Variants in CD163 observed in about 807,000 individuals in gnomAD.
CD163 encodes the protein CD163 molecule.
CD163 carries 64 observed loss-of-function variants against 129.2 expected under a neutral mutation model. That is an observed-to-expected ratio of 0.50 (90% CI 0.41 to 0.61). The LOEUF (loss-of-function observed/expected upper bound fraction) is 0.61. Among genes scored for constraint, CD163 ranks in the 20% least tolerant of loss-of-function variants. The probability of loss-of-function intolerance (pLI) is 0.00; values close to 1 mark genes in which losing one functional copy is unlikely to be tolerated. For missense variants in CD163, 1,061 were observed against 1,377.9 expected (o/e 0.77, Z 3.64); for synonymous variants, 446 against 478.5 (o/e 0.93, Z 0.89).
chr12:7,496,065 G>C lies in CD163; in HGVS notation c.1100-664C>G, dbSNP rs1343301541. Among the ~76,000 whole-genome samples, 1 of 152,076 alleles carries C rather than the reference G, an allele frequency of 6.6e-6. No homozygotes were observed. Among genetic ancestry groups the C allele is most frequent in the Non-Finnish European group, 1.5e-5 (1 of 68,024 alleles). The stretch of plus-strand genomic sequence containing the variant: ...GCACTATCTACAATAACAAAGACTT[G>C]GAACCAACCCAAATGCCCATCAATA... On this transcript the variant is annotated intron_variant, in intron 5 of 16. Transcript: ENST00000432237. This position sits in a 1 kb window ranked among gnomAD's most constrained non-coding sequence, Gnocchi z 4.8.
chr12:7,485,358 C>T lies in CD163; in HGVS notation c.2517G>A (p.Leu839=), dbSNP rs1344700428. The T allele has an allele frequency of 6.2e-7, 1 of 1,614,094 alleles. No homozygotes were observed. The highest frequency in any genetic ancestry group is 8.5e-7 in the Non-Finnish European group (1 of 1,180,042). Residue 839 remains leucine, a synonymous_variant, in exon 11 of 17, where the codon CTG becomes CTA. Coordinates refer to ENST00000432237, the MANE Select transcript of CD163 (RefSeq NM_203416.4). This position sits in a 1 kb window ranked among gnomAD's most constrained non-coding sequence, Gnocchi z 4.5. ...EASREACAGR[L]EVFYNGAWGT... Reference sequence around the variant, plus strand: ...CCCAAGCTCCATTGTAAAAAACTTCCAGACGCCCTGCACAGGCCTCTCTGC... The same window carrying T: ...CCCAAGCTCCATTGTAAAAAACTTCTAGACGCCCTGCACAGGCCTCTCTGC...
chr12:7,480,169 G>C, intron 15 of CD163: 4 of 549,418 alleles, frequency 7.3e-6, no homozygotes, highest in South Asian at 7.2e-5. Flanking sequence ...CACAGTAACA[G>C]TACATGTTCC....
At chr12:7,492,055 CATT>C (rs1949333317) in intron 6 of CD163, among the ~76,000 whole-genome samples, 2 of 152,052 alleles carry the variant, frequency 1.3e-5, no homozygotes, top group South Asian at 4.2e-4. Context: ...AGCATATCAT[CATT>C]GACAGAGACA....
In CD163 at chr12:7,487,356, T is replaced by C; in HGVS notation, c.2050+3A>G. 6.4e-7 allele frequency: 1 copy of C among 1,574,734 alleles called. No homozygotes were observed. Among genetic ancestry groups the C allele is most frequent in the Non-Finnish European group, 8.6e-7 (1 of 1,161,474 alleles). ...CATCACTGGCTGCCCGTCATCCTCT[T>C]ACCTGAGCAGATTACAGAGGCCACT... is the stretch of plus-strand genomic sequence containing the variant. On this transcript the variant is annotated splice_donor_region_variant and intron_variant, in intron 8 of 16. Transcript: ENST00000432237. This position sits in a 1 kb window ranked among gnomAD's most constrained non-coding sequence, Gnocchi z 5.1.
intron 3 of CD163, 22 bp from the exon 4 acceptor site, chr12:7,499,210 A>C (rs765701723): frequency 2.2e-5 from 34 of 1,572,466 alleles, no homozygotes; most frequent in Non-Finnish European, 2.8e-5. Context: ...AAAAGACCAG[A>C]GTTCAGAAGT....
Position 7,483,460 on chromosome 12 carries a change from T to A in CD163, c.2995A>T (p.Lys999Ter). The A allele has an allele frequency of 6.2e-7, 1 of 1,614,144 alleles. No homozygotes were observed. Among genetic ancestry groups the A allele is most frequent in the Non-Finnish European group, 8.5e-7 (1 of 1,180,006 alleles). The change falls in exon 12 of 17, where the codon AAA becomes TAA. Residue 999 changes from lysine (K) to a stop codon, truncating the protein, a stop_gained. Transcript: ENST00000432237. LOFTEE classifies it high-confidence loss of function. ...GPIWLNEVKC[K>*]GNESSLWDCP... ...TCCCACAAGGAAGACTCATTCCCTT[T>A]GCACTTCACTTCATTGAGCCATATC... is the stretch of plus-strand genomic sequence containing the variant.
At chr12:7,490,151 A>G (rs1949308630) in intron 6 of CD163, among the ~76,000 whole-genome samples, 1 of 152,012 alleles carries the variant, frequency 6.6e-6, no homozygotes, top group Non-Finnish European at 1.5e-5. Context: ...CAAATAAAGG[A>G]GTCATTCACT....
At chr12:7,483,924 T>C (rs11613104) in intron 11 of CD163, among the ~76,000 whole-genome samples, 9,993 of 146,334 alleles carry the variant, frequency 0.068, 429 homozygotes, top group African/African-American at 0.12. Context: ...CACTGCAAGC[T>C]CCGCCTCCCA....
chr12:7,488,557 G>A (rs758632561), intron 6 of CD163, among the ~76,000 whole-genome samples: 4 of 152,084 alleles, frequency 2.6e-5, no homozygotes, highest in South Asian at 2.1e-4. Flanking sequence ...TCCTTTTGAC[G>A]TCTGTTACGT....
chr12:7,483,760 TAA>T (rs35675142), intron 11 of CD163, 85 bp from the exon 12 acceptor site: 1,195 of 403,514 alleles, frequency 3.0e-3, no homozygotes, highest in Middle Eastern at 3.3e-3. Flanking sequence ...ATTTGAAACT[TAA>T]AAAAAAAAAA....
intron 6 of CD163, 123 bp downstream of exon 6, chr12:7,494,958 G>C (rs1460757596): frequency 1.4e-6 from 1 of 738,608 alleles, no homozygotes. Context: ...AGTGGAATTT[G>C]TGTAGATATT....
intron 11 of CD163, 136 bp from the exon 12 acceptor site, chr12:7,483,811 T>TTATATATATATGTATATA (rs1555076495): frequency 9.3e-5 from 12 of 128,880 alleles, no homozygotes; most frequent in African/African-American, 3.9e-4. Context: ...ATATTAAAAT[T>TTATATATATATGTATATA]TATATATATA....
At chr12:7,488,478 C>T (rs1036048021) in intron 6 of CD163, among the ~76,000 whole-genome samples, 5 of 152,132 alleles carry the variant, frequency 3.3e-5, no homozygotes, top group Admixed American at 3.3e-4. Context: ...GTCTGCTCAA[C>T]CTTTTTGAAT....
rs1377085671 is a variant in CD163, at chr12:7,501,789, C to T, written c.134-327G>A. The stretch of plus-strand genomic sequence containing the variant: ...TCGAGTTAAATAAGATGCTACAAAA[C>T]GTTATGGGGATGAACTTTTTACATT... On this transcript the variant is annotated intron_variant, in intron 2 of 16. Coordinates refer to ENST00000432237, the MANE Select transcript of CD163 (RefSeq NM_203416.4). Among the ~76,000 whole-genome samples the T allele has an allele frequency of 3.5e-4, 53 of 152,022 alleles. 1 individual carries two copies. Among genetic ancestry groups the T allele is most frequent in the Admixed American group, 3.4e-3 (52 of 15,270 alleles).
intron 6 of CD163, among the ~76,000 whole-genome samples, chr12:7,492,627 C>T (rs146676117): frequency 2.1e-3 from 319 of 152,144 alleles, no homozygotes; most frequent in African/African-American, 7.3e-3. Flanking sequence ...ATTCTCCTTG[C>T]CACTTTTAGC....
intron 15 of CD163, chr12:7,480,766 C>T: frequency 1.7e-6 from 1 of 575,170 alleles, no homozygotes. Flanking sequence ...AAGCTTTTTA[C>T]TATCTATATA....
At chr12:7,494,109 T>G (rs917630667) in intron 6 of CD163, among the ~76,000 whole-genome samples, 1 of 152,192 alleles carries the variant, frequency 6.6e-6, no homozygotes, top group Non-Finnish European at 1.5e-5. Context: ...TTTCTTGTAT[T>G]TACATGAAAT....
rs773062606 is a variant in CD163, at chr12:7,470,825, C to A, written c.*604G>T. The A allele has an allele frequency of 6.6e-6, 1 of 152,226 alleles. No homozygotes were observed. The highest frequency in any genetic ancestry group is 6.5e-5 in the Admixed American group (1 of 15,286). 9.4% of individuals were successfully genotyped at this position (152,226 alleles called of 1,614,324 possible). ...AAACCACTGAGTCTTTGTGCCCTCA[C>A]CAGGTGTGGCTCTGCATTTTATTCT... On this transcript the variant is annotated 3_prime_UTR_variant, in exon 17 of 17. Transcript: ENST00000432237.
At position 7,485,382 on chromosome 12, in the gene CD163, G is replaced by C. The variant is rs762979658; in HGVS notation, c.2493C>G (p.Ser831Arg). ...FMSLRLTSEA[S>R]REACAGRLEV... Reference sequence around the variant, plus strand: ...CCAGACGCCCTGCACAGGCCTCTCTGCTGGCTTCACTGGTCAGTCTCAGAG... The same window carrying C: ...CCAGACGCCCTGCACAGGCCTCTCTCCTGGCTTCACTGGTCAGTCTCAGAG... Residue 831 changes from serine to arginine, a missense_variant, in exon 11 of 17, where the codon AGC becomes AGG. Ser to Arg is a moderately radical substitution (Grantham distance 110, BLOSUM62 -1). Coordinates refer to ENST00000432237, the MANE Select transcript of CD163 (RefSeq NM_203416.4). The surrounding 1 kb of genome is among the most constrained non-coding windows in gnomAD (Gnocchi z 4.5). 1 of 1,614,116 alleles carries C rather than the reference G, an allele frequency of 6.2e-7. No individual in the cohort carries two copies. The highest frequency in any genetic ancestry group is 2.2e-5 in the East Asian group (1 of 44,886).
Sources: allele counts gnomAD v4.1 joint callset (sites outside exome capture counted in the v4.1 genomes callset), GRCh38; gene constraint gnomAD v4.1.1; non-coding constraint Gnocchi (gnomAD v3.1); transcripts MANE v1.5; gene names NCBI Gene and HGNC (gene_info 2026-07-23, HGNC 2026-07-21).